VDAC1: variants seen among roughly 807,000 people sequenced by gnomAD.
VDAC1 encodes non-selective voltage-gated ion channel VDAC1.
VDAC1 carries 10 observed loss-of-function variants against 34.7 expected under a neutral mutation model. The observed-to-expected ratio is 0.29, with a 90% CI of 0.18 to 0.49. VDAC1 has a LOEUF of 0.49. VDAC1 is among the 20% of genes least tolerant of loss of function. The pLI is 0.99. For synonymous variants in VDAC1, 130 were observed against 136.0 expected (o/e 0.96, Z 0.30); for missense variants, 230 against 347.9 (o/e 0.66, Z 2.69).
the VDAC1 span, among the ~76,000 whole-genome samples, chr5:134,090,015 G>T: frequency 6.6e-6 from 1 of 152,030 alleles, no homozygotes; most frequent in South Asian, 2.1e-4. Context: ...GAAAGAAAAT[G>T]TGGCTCAGTA....
intron 7 of VDAC1, among the ~76,000 whole-genome samples, chr5:133,974,433 G>A (rs879906484): frequency 6.6e-6 from 1 of 152,176 alleles, no homozygotes; most frequent in Admixed American, 6.5e-5. Flanking sequence ...CAATGCAGGA[G>A]CTGAAAAGGA....
chr5:134,089,910 T>C, the VDAC1 span, among the ~76,000 whole-genome samples: 1 of 152,126 alleles, frequency 6.6e-6, no homozygotes, highest in Non-Finnish European at 1.5e-5. Flanking sequence ...GAGAATGGCT[T>C]GAACCTGGCA....
chr5:133,976,163 C>T, intron 6 of VDAC1, 142 bp from the exon 7 acceptor site: 1 of 967,226 alleles, frequency 1.0e-6, no homozygotes, highest in Non-Finnish European at 1.5e-6. Flanking sequence ...CAGAAGTTCA[C>T]CAAATTTCAC....
chr5:134,031,907 CA>C, the VDAC1 span, among the ~76,000 whole-genome samples: 1 of 147,220 alleles, frequency 6.8e-6, no homozygotes, highest in Non-Finnish European at 1.5e-5. Context: ...GCCGAGATTA[CA>C]CCACTGCACT....
the VDAC1 span, among the ~76,000 whole-genome samples, chr5:134,055,901 A>C: frequency 6.6e-6 from 1 of 151,836 alleles, no homozygotes; most frequent in Non-Finnish European, 1.5e-5. Flanking sequence ...GCACACATGC[A>C]TTCACACACA....
At chr5:134,035,095 T>C in the VDAC1 span, among the ~76,000 whole-genome samples, 13 of 152,098 alleles carry the variant, frequency 8.5e-5, no homozygotes, top group Admixed American at 2.6e-4. Context: ...TTCCAAGCAC[T>C]GTGCTGCAAT....
chr5:134,061,242 C>G, the VDAC1 span, among the ~76,000 whole-genome samples: 4 of 150,256 alleles, frequency 2.7e-5, 1 homozygote, highest in Non-Finnish European at 5.9e-5. Flanking sequence ...TCCTGTTCTT[C>G]CTGTTCCTCA....
At chr5:134,092,480 G>T in the VDAC1 span, among the ~76,000 whole-genome samples, 6 of 152,056 alleles carry the variant, frequency 3.9e-5, no homozygotes, top group Non-Finnish European at 8.8e-5. Flanking sequence ...TCCCTCATGT[G>T]CCGTTGAATC....
At chr5:134,025,071 A>G in the VDAC1 span, among the ~76,000 whole-genome samples, 1 of 152,216 alleles carries the variant, frequency 6.6e-6, no homozygotes, top group African/African-American at 2.4e-5. Flanking sequence ...GTGTTAGTCC[A>G]TTTTGGTGTT....
the VDAC1 span, among the ~76,000 whole-genome samples, chr5:134,113,063 T>C: frequency 6.6e-6 from 1 of 152,152 alleles, no homozygotes; most frequent in African/African-American, 2.4e-5. Context: ...GGAGTTGAGG[T>C]GGCGGAGGCT....
the VDAC1 span, among the ~76,000 whole-genome samples, chr5:134,030,786 T>C: frequency 1.3e-5 from 2 of 152,124 alleles, no homozygotes; most frequent in African/African-American, 2.4e-5. Context: ...TTTGTATTTT[T>C]AGTAGGGGTT....
the VDAC1 span, chr5:134,082,141 G>C: frequency 2.0e-5 from 3 of 152,278 alleles, no homozygotes; most frequent in African/African-American, 7.2e-5. Context: ...TTACACCCGT[G>C]CAGCTATTAC....
the VDAC1 span, among the ~76,000 whole-genome samples, chr5:134,092,221 C>A: frequency 6.6e-6 from 1 of 152,212 alleles, no homozygotes; most frequent in Non-Finnish European, 1.5e-5. Context: ...TAAATTTCAC[C>A]CCCTGCCTGG....
the VDAC1 span, among the ~76,000 whole-genome samples, chr5:134,042,718 C>T: frequency 6.6e-6 from 1 of 152,180 alleles, no homozygotes; most frequent in Non-Finnish European, 1.5e-5. Context: ...AACTCCTGGC[C>T]TCAAGTGACC....
the VDAC1 span, among the ~76,000 whole-genome samples, chr5:134,010,320 G>A: frequency 3.3e-5 from 5 of 152,146 alleles, no homozygotes; most frequent in African/African-American, 7.2e-5. Context: ...GTGGGGGTCC[G>A]GGCGTGGTGG....
chr5:134,109,721 G>C, the VDAC1 span, among the ~76,000 whole-genome samples: 3 of 148,910 alleles, frequency 2.0e-5, no homozygotes, highest in Admixed American at 6.8e-5. Context: ...AGTGAGCCGA[G>C]ATCGTGCCAC....
chr5:133,975,730 AT>A, intron 7 of VDAC1, 140 bp downstream of exon 7: 3 of 1,322,480 alleles, frequency 2.3e-6, no homozygotes, highest in Non-Finnish European at 3.1e-6. Context: ...AAGTGCAGGG[AT>A]TACAGGCGTG....
chr5:134,055,260 C>T, the VDAC1 span, among the ~76,000 whole-genome samples: 22 of 152,160 alleles, frequency 1.4e-4, no homozygotes, highest in African/African-American at 5.3e-4. Flanking sequence ...CAGTTGGACC[C>T]CGCTGTGGTG....
rs1467659357 is a variant in VDAC1 at position 133,998,063 on chromosome 5, G to A, written c.-6-5045C>T. Among the ~76,000 whole-genome samples the A allele has an allele frequency of 3.5e-5, 5 of 140,964 alleles. No homozygotes were observed. The East Asian group carries it at 6.8e-4, about 19-fold the overall frequency. The allele number at this position is 140,964 out of a possible 152,430, so 92.5% of individuals were successfully genotyped here. On this transcript the variant is annotated intron_variant, in intron 1 of 8. Coordinates refer to ENST00000265333, the MANE Select transcript of VDAC1 (RefSeq NM_003374.3). Reference sequence around the variant, plus strand: ...GCCTGGGCAACAAGAGTAAAACTCCGTCTCGAAACAAAAAAAAAAAAAAGA... The same window carrying A: ...GCCTGGGCAACAAGAGTAAAACTCCATCTCGAAACAAAAAAAAAAAAAAGA...
Sources: gnomAD v4.1 joint callset for allele counts (sites outside exome capture counted in the v4.1 genomes callset) on GRCh38, gnomAD v4.1.1 for gene constraint, MANE v1.5 for transcripts, NCBI Gene and HGNC (gene_info 2026-07-23, HGNC 2026-07-21) for gene names.